Variants in ZFAND3 observed in about 807,000 individuals in gnomAD.
The protein encoded by ZFAND3 is AN1-type zinc finger protein 3.
ZFAND3 carries 10 observed loss-of-function variants against 29.6 expected under a neutral mutation model. The observed-to-expected ratio is 0.34, with a 90% CI of 0.21 to 0.57. The LOEUF (loss-of-function observed/expected upper bound fraction) is 0.57, where lower values mean the gene tolerates loss of function less well. Among genes scored for constraint, ZFAND3 ranks in the 20% least tolerant of loss-of-function variants. ZFAND3 has a pLI of 0.86. For synonymous variants in ZFAND3, 128 were observed against 112.6 expected (o/e 1.14, Z -0.87); for missense variants, 230 against 304.5 (o/e 0.76, Z 1.82).
At chr6:37,949,302 A>G (rs554552178) in intron 2 of ZFAND3, among the ~76,000 whole-genome samples, 1 of 152,076 alleles carries the variant, frequency 6.6e-6, no homozygotes, top group Non-Finnish European at 1.5e-5. Context: ...TAATGGGGTT[A>G]TGTGGTTGTT....
At chr6:37,953,216 T>A (rs868539129) in intron 2 of ZFAND3, among the ~76,000 whole-genome samples, 7 of 152,180 alleles carry the variant, frequency 4.6e-5, no homozygotes, top group Middle Eastern at 3.4e-3. Context: ...TTCCCTGCTG[T>A]CTTTTCAATT....
chr6:38,124,075 G>A (rs899798861), intron 5 of ZFAND3, among the ~76,000 whole-genome samples: 21 of 152,126 alleles, frequency 1.4e-4, no homozygotes, highest in African/African-American at 3.6e-4. Flanking sequence ...TGATTGGTGC[G>A]TTTACAATCC....
intron 4 of ZFAND3, among the ~76,000 whole-genome samples, chr6:38,091,498 T>G (rs4714126): frequency 1.1e-4 from 13 of 117,566 alleles, no homozygotes; most frequent in East Asian, 5.5e-4. Flanking sequence ...TTTTTTTTTT[T>G]TTGGTGGGGG....
chr6:38,074,790 CTCT>C (rs1226823656), intron 3 of ZFAND3, among the ~76,000 whole-genome samples: 3 of 152,164 alleles, frequency 2.0e-5, no homozygotes, highest in Non-Finnish European at 4.4e-5. Flanking sequence ...CAGTATGACC[CTCT>C]TGTTAGGGGC....
At chr6:38,012,576 A>C (rs1763177303) in intron 2 of ZFAND3, among the ~76,000 whole-genome samples, 1 of 151,968 alleles carries the variant, frequency 6.6e-6, no homozygotes, top group Non-Finnish European at 1.5e-5. Context: ...ACTGGGCTTC[A>C]CCATATTGGT....
chr6:37,907,142 ACAAATTATCAGATTTATTCCTTTC>A (rs1377836309), intron 1 of ZFAND3, among the ~76,000 whole-genome samples: 2 of 152,050 alleles, frequency 1.3e-5, no homozygotes, highest in Non-Finnish European at 2.9e-5. Context: ...GTCTGCACTA[ACAAATTATCAGATTTATTCCTTTC>A]CAAAATATCA....
intron 5 of ZFAND3, among the ~76,000 whole-genome samples, chr6:38,144,211 A>ATTATATATATATATATATATATATAT (rs70981524): frequency 1.5e-4 from 7 of 45,874 alleles, no homozygotes; most frequent in Non-Finnish European, 2.7e-4. Context: ...ATATATATAT[A>ATTATATATATATATATATATATATAT]ATATATAATA....
chr6:37,999,954 C>T (rs1000062919), intron 2 of ZFAND3, among the ~76,000 whole-genome samples: 1 of 152,076 alleles, frequency 6.6e-6, no homozygotes, highest in African/African-American at 2.4e-5. Flanking sequence ...CTGTACTATC[C>T]TGGCAACCTT....
intron 1 of ZFAND3, among the ~76,000 whole-genome samples, chr6:37,849,923 T>TTG (rs1212970454): frequency 6.6e-6 from 1 of 152,182 alleles, no homozygotes; most frequent in Non-Finnish European, 1.5e-5. Flanking sequence ...CTAAATGTGA[T>TTG]TGCTTTCTCT....
At chr6:38,124,629 C>T (rs1765598488) in intron 5 of ZFAND3, among the ~76,000 whole-genome samples, 2 of 152,354 alleles carry the variant, frequency 1.3e-5, no homozygotes, top group African/African-American at 4.8e-5. Flanking sequence ...GCCCGCCAAG[C>T]CCATGCCCAT....
At chr6:37,893,870 A>G (rs1368652945) in intron 1 of ZFAND3, among the ~76,000 whole-genome samples, 3 of 151,718 alleles carry the variant, frequency 2.0e-5, no homozygotes, top group African/African-American at 7.3e-5. Context: ...CTTTGTTTCT[A>G]TCTCTTCAAC....
At chr6:38,064,158 TC>T (rs1295983124) in intron 3 of ZFAND3, among the ~76,000 whole-genome samples, 3 of 152,196 alleles carry the variant, frequency 2.0e-5, no homozygotes, top group African/African-American at 7.2e-5. Flanking sequence ...GGTTAAGAAC[TC>T]CTGGTCTAAG....
At chr6:38,124,822 C>T (rs1454904225) in intron 5 of ZFAND3, among the ~76,000 whole-genome samples, 1 of 152,216 alleles carries the variant, frequency 6.6e-6, no homozygotes, top group Non-Finnish European at 1.5e-5. Flanking sequence ...GACGCTGAGG[C>T]CGAGGAGGCG....
chr6:38,099,056 A>C (rs1357035606), intron 4 of ZFAND3, among the ~76,000 whole-genome samples: 1 of 152,150 alleles, frequency 6.6e-6, no homozygotes, highest in East Asian at 1.9e-4. Context: ...AAACATAAAT[A>C]TTCCTATTTC....
intron 1 of ZFAND3, among the ~76,000 whole-genome samples, chr6:37,844,372 C>T (rs530883559): frequency 6.6e-6 from 1 of 152,210 alleles, no homozygotes; most frequent in East Asian, 1.9e-4. Context: ...AGCTCCACCT[C>T]CCAGGTTCAT....
intron 2 of ZFAND3, among the ~76,000 whole-genome samples, chr6:38,007,333 G>A (rs1763068110): frequency 6.6e-6 from 1 of 152,136 alleles, no homozygotes; most frequent in Admixed American, 6.5e-5. Flanking sequence ...GCCAAGGCAG[G>A]AGGATCGCTT....
intron 3 of ZFAND3, among the ~76,000 whole-genome samples, chr6:38,077,341 A>G (rs1482740944): frequency 6.6e-6 from 1 of 152,206 alleles, no homozygotes; most frequent in African/African-American, 2.4e-5. Flanking sequence ...ATTATGATAG[A>G]GTGGAATTGA....
chr6:38,031,615 T>G (rs1459393473), intron 2 of ZFAND3, among the ~76,000 whole-genome samples: 1 of 152,188 alleles, frequency 6.6e-6, no homozygotes, highest in Non-Finnish European at 1.5e-5. Flanking sequence ...CTTCCTAGCT[T>G]TGTGATTCTG....
chr6:37,995,602 G>A (rs1762836501), intron 2 of ZFAND3, among the ~76,000 whole-genome samples: 2 of 152,118 alleles, frequency 1.3e-5, no homozygotes, highest in African/African-American at 4.8e-5. Flanking sequence ...TTTATTAATT[G>A]TTGCCTATAT....
Sources: gnomAD v4.1 joint callset for allele counts (sites outside exome capture counted in the v4.1 genomes callset) on GRCh38, gnomAD v4.1.1 for gene constraint, MANE v1.5 for transcripts, NCBI Gene and HGNC (gene_info 2026-07-23, HGNC 2026-07-21) for gene names.